The following LIN7A variants were observed in gnomAD, a reference collection of about 807,000 sequenced individuals.
LIN7A encodes the protein lin-7 cell polarity scaffold A.
Under a neutral mutation model 29.8 loss-of-function variants are expected in LIN7A, and 25 were observed. The observed-to-expected ratio is 0.84, with a 90% CI of 0.61 to 1.17. The LOEUF (loss-of-function observed/expected upper bound fraction) is 1.17. LIN7A is among the 50% of genes most tolerant of loss of function. The probability of loss-of-function intolerance (pLI) is 0.00; values close to 1 mark genes in which losing one functional copy is unlikely to be tolerated. For missense variants in LIN7A, 239 were observed against 287.0 expected (o/e 0.83, Z 1.21); for synonymous variants, 118 against 107.5 (o/e 1.10, Z -0.60).
intron 1 of LIN7A, among the ~76,000 whole-genome samples, chr12:80,932,905 A>G (rs914364444): frequency 2.0e-5 from 3 of 152,226 alleles, no homozygotes; most frequent in African/African-American, 4.8e-5. Flanking sequence ...GGTTTTAAAG[A>G]TTAAAATCTG....
At chr12:80,879,657 A>G (rs1874919231) in intron 2 of LIN7A, among the ~76,000 whole-genome samples, 1 of 150,452 alleles carries the variant, frequency 6.6e-6, no homozygotes, top group East Asian at 1.9e-4. Context: ...AAAAAAAAAA[A>G]AAAAAAAAAA....
At chr12:80,933,683 G>A (rs1187959761) in intron 1 of LIN7A, among the ~76,000 whole-genome samples, 2 of 152,058 alleles carry the variant, frequency 1.3e-5, no homozygotes, top group African/African-American at 2.4e-5. Flanking sequence ...CTTCCTGGCT[G>A]TTCCCAGTAT....
chr12:80,839,799 T>TA (rs1358972473), intron 4 of LIN7A, among the ~76,000 whole-genome samples: 1 of 152,280 alleles, frequency 6.6e-6, no homozygotes, highest in East Asian at 1.9e-4. Flanking sequence ...TTATAAAATG[T>TA]AAAAAAAGCC....
intron 2 of LIN7A, among the ~76,000 whole-genome samples, chr12:80,872,940 AC>A (rs1874496576): frequency 6.6e-6 from 1 of 152,196 alleles, no homozygotes; most frequent in South Asian, 2.1e-4. Context: ...GATCAGTTGC[AC>A]TGTAAGGTAG....
chr12:80,844,145 A>T lies in LIN7A; in HGVS notation c.483+1585T>A, dbSNP rs910921892. Among the ~76,000 whole-genome samples the T allele has an allele frequency of 4.6e-5, 7 of 152,214 alleles. No individual in the cohort carries two copies. The East Asian group carries it at 1.2e-3, about 25-fold the overall frequency. On this transcript the variant is annotated intron_variant, in intron 4 of 5. Transcript: ENST00000552864. The stretch of plus-strand genomic sequence containing the variant: ...GGGGCATAAGCCTCTATGTGACGCA[A>T]TTGTGTGACCTAGCTCTAGAGTCCT...
chr12:80,923,782 C>T (rs990802946), intron 1 of LIN7A, among the ~76,000 whole-genome samples: 17 of 152,160 alleles, frequency 1.1e-4, no homozygotes, highest in African/African-American at 4.1e-4. Flanking sequence ...ATAGTATAGT[C>T]TAGTGGTTAA....
intron 5 of LIN7A, among the ~76,000 whole-genome samples, chr12:80,807,520 A>G (rs1871102919): frequency 6.6e-6 from 1 of 152,250 alleles, no homozygotes; most frequent in Non-Finnish European, 1.5e-5. Flanking sequence ...AGAAATCTGA[A>G]TAGGAACATA....
intron 5 of LIN7A, among the ~76,000 whole-genome samples, chr12:80,805,043 G>A (rs1870910908): frequency 6.6e-6 from 1 of 152,164 alleles, no homozygotes; most frequent in Non-Finnish European, 1.5e-5. Flanking sequence ...CATAGTGGTT[G>A]TACTAATTAG....
rs540074908 is a variant in LIN7A at position 80,894,552 on chromosome 12, C to T, written c.83-5183G>A. ...TTTTCGATTTAATAATTTTGGATTG[C>T]GATTGACTGAGGGTAACTGAAATTT... On this transcript the variant is annotated intron_variant, in intron 1 of 5. Transcript: ENST00000552864. Among the ~76,000 whole-genome samples the T allele has an allele frequency of 1.1e-4, 17 of 152,080 alleles. No individual in the cohort carries two copies. In the South Asian group the frequency reaches 3.1e-3, roughly 28 times the overall value.
chr12:80,823,664 C>T (rs959189802), intron 4 of LIN7A, among the ~76,000 whole-genome samples: 1 of 152,182 alleles, frequency 6.6e-6, no homozygotes, highest in Non-Finnish European at 1.5e-5. Flanking sequence ...CCAGCAGGCC[C>T]AAGCAAAATT....
At chr12:80,894,105 C>A (rs1234397811) in intron 1 of LIN7A, among the ~76,000 whole-genome samples, 1 of 152,130 alleles carries the variant, frequency 6.6e-6, no homozygotes, top group Non-Finnish European at 1.5e-5. Flanking sequence ...AAGAAGGCTT[C>A]GAGTCAGCAA....
intron 4 of LIN7A, among the ~76,000 whole-genome samples, chr12:80,836,544 C>T (rs1565895748): frequency 6.6e-6 from 1 of 151,566 alleles, no homozygotes; most frequent in Non-Finnish European, 1.5e-5. Flanking sequence ...TGGTCCCAGC[C>T]ACTCAGGAGG....
chr12:80,933,179 T>C (rs553173078), intron 1 of LIN7A, among the ~76,000 whole-genome samples: 2 of 152,318 alleles, frequency 1.3e-5, no homozygotes, highest in Admixed American at 1.3e-4. Flanking sequence ...AAAAATCGAA[T>C]TATAATATAT....
chr12:80,825,025 GAGAA>G (rs1431697280), intron 4 of LIN7A, among the ~76,000 whole-genome samples: 2 of 152,116 alleles, frequency 1.3e-5, no homozygotes, highest in Non-Finnish European at 2.9e-5. Flanking sequence ...GCAATCAAAC[GAGAA>G]AGAAAGGGCA....
chr12:80,831,587 G>T (rs754148303), intron 4 of LIN7A, among the ~76,000 whole-genome samples: 1 of 152,112 alleles, frequency 6.6e-6, no homozygotes, highest in Non-Finnish European at 1.5e-5. Flanking sequence ...GTGAAACACT[G>T]CCAATATATG....
At chr12:80,927,078 T>C (rs1277730715) in intron 1 of LIN7A, among the ~76,000 whole-genome samples, 1 of 151,492 alleles carries the variant, frequency 6.6e-6, no homozygotes, top group Non-Finnish European at 1.5e-5. Flanking sequence ...TTTATCAATA[T>C]ATACTAAAAT....
chr12:80,857,189 A>C (rs965838669), intron 2 of LIN7A, among the ~76,000 whole-genome samples: 1 of 152,094 alleles, frequency 6.6e-6, no homozygotes, highest in East Asian at 1.9e-4. Context: ...TTTATATTCC[A>C]CCTTCTAGGC....
At chr12:80,823,094 T>A (rs941273689) in intron 4 of LIN7A, among the ~76,000 whole-genome samples, 1 of 152,228 alleles carries the variant, frequency 6.6e-6, no homozygotes, top group African/African-American at 2.4e-5. Flanking sequence ...TCTGAGCTGT[T>A]CTGTTGCTCA....
chr12:80,883,089 C>G (rs1019973058), intron 2 of LIN7A, among the ~76,000 whole-genome samples: 3 of 151,520 alleles, frequency 2.0e-5, no homozygotes, highest in African/African-American at 7.3e-5. Flanking sequence ...CTCTCTCTTT[C>G]TGTTTTTCTC....
Sources: gnomAD v4.1 joint callset for allele counts (sites outside exome capture counted in the v4.1 genomes callset) on GRCh38, gnomAD v4.1.1 for gene constraint, MANE v1.5 for transcripts, NCBI Gene and HGNC (gene_info 2026-07-23, HGNC 2026-07-21) for gene names.